The following COL2A1 variants were observed in gnomAD, a reference collection of about 807,000 sequenced individuals.
The protein encoded by COL2A1 is collagen alpha-1(II) chain.
In COL2A1, 28 loss-of-function variants were observed where a neutral mutation model predicts 204.5. The observed-to-expected ratio is 0.14, with a 90% CI of 0.10 to 0.19. The LOEUF (loss-of-function observed/expected upper bound fraction) is 0.19, where lower values mean the gene tolerates loss of function less well. Among genes scored for constraint, COL2A1 ranks in the 10% least tolerant of loss-of-function variants. COL2A1 has a pLI of 1.00. For synonymous variants in COL2A1, 708 were observed against 718.7 expected, an observed-to-expected ratio of 0.99 and a Z score of 0.24; for missense variants, 1,388 against 2,027.5, an observed-to-expected ratio of 0.68 and a Z score of 6.06.
intron 41 of COL2A1, among the ~76,000 whole-genome samples, chr12:47,979,042 C>T (rs1048045720): frequency 6.6e-6 from 1 of 152,034 alleles, no homozygotes. Context: ...TGTCCTCAAT[C>T]CCCCTTCCTC....
At chr12:47,993,581 GC>G (rs1939808154) in intron 14 of COL2A1, 79 bp from the exon 15 acceptor site, 1 of 1,330,970 alleles carries the variant, frequency 7.5e-7, no homozygotes, top group Non-Finnish European at 1.1e-6. Context: ...GACGCCAAAA[GC>G]CCTGGTCATC....
intron 10 of COL2A1, 50 bp downstream of exon 10, chr12:47,995,660 T>C (rs746708760): frequency 2.9e-5 from 45 of 1,566,940 alleles, no homozygotes; most frequent in Middle Eastern, 1.7e-4. Flanking sequence ...CCTAGTGGTC[T>C]ATCATTAGAG....
chr12:47,982,851 G>A lies in COL2A1; in HGVS notation c.2190C>T (p.Pro730=), dbSNP rs1349369769. The A allele has an allele frequency of 1.2e-6, 2 of 1,610,704 alleles. No individual in the cohort carries two copies. Among genetic ancestry groups the A allele is most frequent in the Non-Finnish European group, 1.7e-6 (2 of 1,179,616 alleles). The change falls in exon 33 of 54, where the codon CCC becomes CCT. Residue 730 remains proline, a synonymous_variant. Transcript: ENST00000380518. ...GLPGTPGTDG[P]KGASGPAGPP... ...TACAGGATGCAGCCTCACTTACTTT[G>A]GGACCATCAGTGCCAGGAGTGCCGG... is the stretch of plus-strand genomic sequence containing the variant.
chr12:47,994,318 C>T (rs1006502397), intron 12 of COL2A1, 106 bp downstream of exon 12: 13 of 1,205,184 alleles, frequency 1.1e-5, no homozygotes, highest in South Asian at 3.7e-5. Context: ...GGGCTACTGG[C>T]GTTTCATCTC....
chr12:47,976,208 T>C lies in COL2A1; in HGVS notation c.3490-138A>G. On this transcript the variant is annotated intron_variant, in intron 49 of 53. Coordinates refer to ENST00000380518, the MANE Select transcript of COL2A1 (RefSeq NM_001844.5). This position sits in a 1 kb window ranked among gnomAD's most constrained non-coding sequence, Gnocchi z 4.3. ...CTTCACATGCTCAGTCATGGAACCC[T>C]AAGTTGGTCTCTATTTGGCCAAGAA... is the stretch of plus-strand genomic sequence containing the variant. The C allele has an allele frequency of 1.3e-6, 1 of 753,958 alleles. No homozygotes were observed. The highest frequency in any genetic ancestry group is 1.4e-5 in the South Asian group (1 of 69,628). 46.7% of individuals were successfully genotyped at this position (753,958 alleles called of 1,614,324 possible).
chr12:47,980,881 G>A lies in COL2A1; in HGVS notation c.2517+34C>T. The A allele has an allele frequency of 6.4e-7, 1 of 1,550,606 alleles. No individual in the cohort carries two copies. The highest frequency in any genetic ancestry group is 2.4e-5 in the East Asian group (1 of 40,920). ...TGCTGGATGTGGAACTGGCCTGAGT[G>A]GAGGGACCCAGGAGGATGGACAGAG... is the stretch of plus-strand genomic sequence containing the variant. On this transcript the variant is annotated intron_variant, in intron 38 of 53. Transcript: ENST00000380518. The surrounding 1 kb of genome is among the most constrained non-coding windows in gnomAD (Gnocchi z 4.5).
At chr12:47,975,708 C>T (rs545578854) in intron 50 of COL2A1, 103 bp from the exon 51 acceptor site, 1 of 1,317,442 alleles carries the variant, frequency 7.6e-7, no homozygotes, top group Admixed American at 2.0e-5. Context: ...TTCCCAGCCC[C>T]ATGGGTGGGG....
intron 2 of COL2A1, 113 bp from the exon 3 acceptor site, chr12:47,998,544 G>T: frequency 8.5e-7 from 1 of 1,171,708 alleles, no homozygotes; most frequent in Admixed American, 2.2e-5. Flanking sequence ...ACACAATCAA[G>T]GAAGGCGGCA....
rs774979316 is a variant in COL2A1 at position 47,978,731 on chromosome 12, CA to C, written c.2760del (p.Gly921ValfsTer107). The C allele has an allele frequency of 6.2e-7, 1 of 1,613,010 alleles. No homozygotes were observed. Among genetic ancestry groups the C allele is most frequent in the Admixed American group, 1.7e-5 (1 of 60,008 alleles). On this transcript the variant is annotated frameshift_variant, in exon 42 of 54. Transcript: ENST00000380518. LOFTEE classifies it high-confidence loss of function. This position sits in a 1 kb window ranked among gnomAD's most constrained non-coding sequence, Gnocchi z 5.5. ...SNGNPGPPGP[P>X]GPSGKDGPKG... ...TTGGGACCATCTTTTCCAGAAGGAC[CA>C]GGGGGACCAGGGGGTCCAGGGTTGC...
chr12:47,976,363 A>G lies in COL2A1; in HGVS notation c.3489+151T>C, dbSNP rs2136515916. The G allele has an allele frequency of 3.4e-6, 3 of 876,796 alleles. 1 individual carries two copies. The East Asian group carries it at 7.7e-5, about 23-fold the overall frequency. The allele number at this position is 876,796 out of a possible 1,614,324, so 54.3% of individuals were successfully genotyped here. ...TGTGGCCTCAGGCGCTTTTCTGGCCATAGGCACATGAGCCAGTCCTGCCCC... is the reference window on the plus strand; with the variant it reads ...TGTGGCCTCAGGCGCTTTTCTGGCCGTAGGCACATGAGCCAGTCCTGCCCC... On this transcript the variant is annotated intron_variant, in intron 49 of 53. Transcript: ENST00000380518. This position sits in a 1 kb window ranked among gnomAD's most constrained non-coding sequence, Gnocchi z 4.3.
At chr12:48,003,525 G>A (rs1413161860) in intron 1 of COL2A1, among the ~76,000 whole-genome samples, 2 of 152,106 alleles carry the variant, frequency 1.3e-5, no homozygotes, top group African/African-American at 2.4e-5. Flanking sequence ...GGAAGTTTCT[G>A]TACCCTTTAT....
Position 47,978,582 on chromosome 12 carries a change from T to C in COL2A1, c.2895+15A>G, listed in dbSNP as rs1305956362. 6.2e-7 allele frequency: 1 copy of C among 1,613,468 alleles called. No homozygotes were observed. The highest frequency in any genetic ancestry group is 1.7e-5 in the Admixed American group (1 of 60,012). On this transcript the variant is annotated intron_variant, in intron 42 of 53. Transcript: ENST00000380518. This position sits in a 1 kb window ranked among gnomAD's most constrained non-coding sequence, Gnocchi z 5.5. ...GCTCCCAGGGACCTTGGCATGGGCC[T>C]GGTGAGGGACTTACAGAGGGACCGT... is the stretch of plus-strand genomic sequence containing the variant.
At chr12:47,984,049 C>A (rs757315921) in intron 29 of COL2A1, 38 bp downstream of exon 29, 2 of 1,585,552 alleles carry the variant, frequency 1.3e-6, no homozygotes, top group Admixed American at 1.7e-5. Context: ...CCAGCCCCTG[C>A]CCCCAGGGCC....
chr12:47,979,599 A>C, intron 40 of COL2A1, 35 bp from the exon 41 acceptor site: 4 of 1,283,552 alleles, frequency 3.1e-6, no homozygotes, highest in Non-Finnish European at 4.2e-6. Context: ...GAGAACCTCA[A>C]GCCCTCAGGA....
At chr12:47,982,390 G>A (rs1271202108) in intron 34 of COL2A1, 112 bp downstream of exon 34, 1 of 950,132 alleles carries the variant, frequency 1.1e-6, no homozygotes. Flanking sequence ...CCTCAAAAAG[G>A]GCTAACAGAA....
intron 33 of COL2A1, 72 bp downstream of exon 33, chr12:47,982,776 G>A (rs1592211682): frequency 1.2e-5 from 17 of 1,404,444 alleles, no homozygotes; most frequent in Middle Eastern, 1.8e-4. Flanking sequence ...TCCTGAGCCC[G>A]CTCCTCTTCT....
rs745778435 is a variant in COL2A1, at chr12:47,987,375, C to T, written c.1222-62G>A. ...ATGAACCCCAACCACCTCCAGCCCT[C>T]CAGGATCCAGATCCAGGGACCTGGC... On this transcript the variant is annotated intron_variant, in intron 19 of 53. Coordinates refer to ENST00000380518, the MANE Select transcript of COL2A1 (RefSeq NM_001844.5). This position sits in a 1 kb window ranked among gnomAD's most constrained non-coding sequence, Gnocchi z 4.1. 2 of 1,571,100 alleles carry T rather than the reference C, an allele frequency of 1.3e-6. No individual in the cohort carries two copies. The highest frequency in any genetic ancestry group is 1.7e-6 in the Non-Finnish European group (2 of 1,143,538).
chr12:47,983,450 A>G lies in COL2A1; in HGVS notation c.1996-12T>C, dbSNP rs771714215. The stretch of plus-strand genomic sequence containing the variant: ...GGGCCAGGAAGTCCCTAGAAGCCGA[A>G]GTGACAAGCGTTAGCAAAGGAGTGA... On this transcript the variant is annotated splice_polypyrimidine_tract_variant and intron_variant, in intron 30 of 53. Coordinates refer to ENST00000380518, the MANE Select transcript of COL2A1 (RefSeq NM_001844.5). 2 of 1,613,962 alleles carry G rather than the reference A, an allele frequency of 1.2e-6. No individual in the cohort carries two copies. The highest frequency in any genetic ancestry group is 4.5e-5 in the East Asian group (2 of 44,878).
At position 47,992,991 on chromosome 12, in the gene COL2A1, A is replaced by C. The variant is rs532531333; in HGVS notation, c.970-60T>G. 19 of 1,523,616 alleles carry C rather than the reference A, an allele frequency of 1.2e-5. No individual in the cohort carries two copies. The East Asian group carries it at 4.3e-4, about 34-fold the overall frequency. 94.4% of individuals were successfully genotyped at this position (1,523,616 alleles called of 1,614,324 possible). ...TGGCTTTACGGTGCTCAGGGTGACC[A>C]TTTCTACCTGCAGGCCCTTTGCGGA... On this transcript the variant is annotated intron_variant, in intron 15 of 53. Transcript: ENST00000380518.
Sources: gnomAD v4.1 joint callset for allele counts (sites outside exome capture counted in the v4.1 genomes callset) on GRCh38, gnomAD v4.1.1 for gene constraint, Gnocchi (gnomAD v3.1) non-coding constraint, MANE v1.5 for transcripts, NCBI Gene and HGNC (gene_info 2026-07-23, HGNC 2026-07-21) for gene names.